The following RBMS3 variants were observed in gnomAD, a reference collection of about 807,000 sequenced individuals.
RBMS3 encodes RNA binding motif single stranded interacting protein 3.
RBMS3 carries 27 observed loss-of-function variants against 66.8 expected under a neutral mutation model. The ratio of observed to expected loss-of-function variants is 0.40; its 90% CI spans 0.30 to 0.56. RBMS3 has a LOEUF of 0.56. RBMS3 is among the 20% of genes least tolerant of loss of function. RBMS3 has a pLI of 0.40. For synonymous variants in RBMS3, 188 were observed against 183.0 expected (o/e 1.03, Z -0.22); for missense variants, 513 against 549.5 (o/e 0.93, Z 0.66).
chr3:29,869,157 A>C (rs554645299), intron 7 of RBMS3, among the ~76,000 whole-genome samples, 193 bp downstream of exon 7: 2 of 152,300 alleles, frequency 1.3e-5, no homozygotes, highest in South Asian at 4.1e-4. Flanking sequence ...TTTCAAATTT[A>C]ACCTCAGTTC....
Position 29,944,244 on chromosome 3 carries a change from T to A in RBMS3, c.1088T>A (p.Leu363Gln). 2 of 1,591,096 alleles carry A rather than the reference T, an allele frequency of 1.3e-6. No homozygotes were observed. The highest frequency in any genetic ancestry group is 1.7e-6 in the Non-Finnish European group (2 of 1,159,890). Reference protein sequence around the residue: ...SQDRIMILHQLLCQYMTAAAP... With the variant: ...SQDRIMILHQQLCQYMTAAAP... ...GACAGGATTATGATACTCCACCAGCTGTTGTGTCAGGTAGGAAAATTCTAA... is the reference window on the plus strand; with the variant it reads ...GACAGGATTATGATACTCCACCAGCAGTTGTGTCAGGTAGGAAAATTCTAA... Residue 363 changes from leucine (L) to glutamine (Q), a missense_variant, in exon 12 of 15, where the codon CTG (leucine) becomes CAG (glutamine). Leu to Gln is a moderately radical substitution (Grantham distance 113). Coordinates refer to ENST00000383767, the MANE Select transcript of RBMS3 (RefSeq NM_001003793.3).
chr3:29,594,157 A>G (rs1404468299), intron 4 of RBMS3, among the ~76,000 whole-genome samples: 1 of 152,196 alleles, frequency 6.6e-6, no homozygotes, highest in African/African-American at 2.4e-5. Context: ...ATTATTGTCT[A>G]TATCCTGCAT....
At chr3:29,745,070 A>C (rs2149357047) in intron 5 of RBMS3, among the ~76,000 whole-genome samples, 1 of 152,316 alleles carries the variant, frequency 6.6e-6, no homozygotes, top group African/African-American at 2.4e-5. Context: ...TTCTTTGATA[A>C]CCATCTCTTC....
At chr3:29,935,976 AAAAGT>A (rs1412113761) in intron 10 of RBMS3, 105 bp from the exon 11 acceptor site, 1 of 924,880 alleles carries the variant, frequency 1.1e-6, no homozygotes, top group Admixed American at 2.8e-5. Flanking sequence ...TTTTTAGTAA[AAAAGT>A]AAAAACATTT....
rs574924703 is a variant in RBMS3, at chr3:29,442,083, T to C, written c.248+7168T>C. ...TTGGAAGAATCTTACTTTCCTGCTTTATATAATTTCCAAAAGTCAAACATT... is the reference window on the plus strand; with the variant it reads ...TTGGAAGAATCTTACTTTCCTGCTTCATATAATTTCCAAAAGTCAAACATT... On this transcript the variant is annotated intron_variant, in intron 2 of 14. Coordinates refer to ENST00000383767, the MANE Select transcript of RBMS3 (RefSeq NM_001003793.3). Among the ~76,000 whole-genome samples, 17 of 152,352 alleles carry C rather than the reference T, an allele frequency of 1.1e-4. 1 individual carries two copies. In the South Asian group the frequency reaches 3.3e-3, roughly 30 times the overall value.
chr3:29,330,615 C>T (rs752369904), intron 1 of RBMS3, among the ~76,000 whole-genome samples: 3 of 152,086 alleles, frequency 2.0e-5, no homozygotes, highest in South Asian at 2.1e-4. Flanking sequence ...GGCAGCCCTC[C>T]CTATTGCTGA....
intron 1 of RBMS3, among the ~76,000 whole-genome samples, chr3:29,367,040 T>A (rs7426443): frequency 0.65 from 98,541 of 151,892 alleles, 32,306 homozygotes; most frequent in Non-Finnish European, 0.7. Flanking sequence ...ACTAAAAAGG[T>A]AAAAGACTAC....
chr3:29,727,819 A>C (rs866079021), intron 4 of RBMS3, among the ~76,000 whole-genome samples: 1 of 152,198 alleles, frequency 6.6e-6, no homozygotes, highest in Admixed American at 6.5e-5. Context: ...AGGATCTAGA[A>C]CCAGAAATAC....
rs115306908 is a variant in RBMS3 at position 29,353,485 on chromosome 3, G to T, written c.75+71729G>T. On this transcript the variant is annotated intron_variant, in intron 1 of 14. Coordinates refer to ENST00000383767, the MANE Select transcript of RBMS3 (RefSeq NM_001003793.3). Reference sequence around the variant, plus strand: ...CTACTTTCTTTGCTTGATTGAAGCTGGGCATTTTTGCTGTTCTTTTGCTTA... The same window carrying T: ...CTACTTTCTTTGCTTGATTGAAGCTTGGCATTTTTGCTGTTCTTTTGCTTA... 9.3e-3 allele frequency among the ~76,000 whole-genome samples: 1,409 copies of T among 151,874 alleles called. 7 individuals are homozygous for T. The highest frequency in any genetic ancestry group is 0.017 in the Middle Eastern group (5 of 294).
chr3:29,991,949 A>G (rs984521610), intron 14 of RBMS3, among the ~76,000 whole-genome samples: 1 of 152,202 alleles, frequency 6.6e-6, no homozygotes, highest in Non-Finnish European at 1.5e-5. Flanking sequence ...GAAAATCCTT[A>G]AATCACTCAT....
chr3:29,373,424 T>G (rs1353058165), intron 1 of RBMS3, among the ~76,000 whole-genome samples: 1 of 152,240 alleles, frequency 6.6e-6, no homozygotes, highest in Non-Finnish European at 1.5e-5. Flanking sequence ...ATAATTGTGA[T>G]TCAGCAAAAG....
intron 3 of RBMS3, among the ~76,000 whole-genome samples, chr3:29,582,450 G>T (rs754067005): frequency 2.6e-5 from 4 of 152,216 alleles, no homozygotes; most frequent in Non-Finnish European, 5.9e-5. Flanking sequence ...AAGGACAGGA[G>T]TGTGTGGAGA....
At chr3:29,330,695 C>T (rs528881787) in intron 1 of RBMS3, among the ~76,000 whole-genome samples, 3 of 152,172 alleles carry the variant, frequency 2.0e-5, no homozygotes, top group African/African-American at 7.2e-5. Context: ...GCTTAAGTTT[C>T]CCCTGCTAAC....
intron 13 of RBMS3, among the ~76,000 whole-genome samples, chr3:29,990,456 GAAACAAAAAAAA>G (rs1698772187): frequency 6.5e-5 from 2 of 30,656 alleles, no homozygotes; most frequent in African/African-American, 2.7e-4. Flanking sequence ...GCATCTGTGA[GAAACAAAAAAAA>G]AAAAAAAAAA....
intron 3 of RBMS3, among the ~76,000 whole-genome samples, chr3:29,536,379 G>A (rs532507000): frequency 4.0e-4 from 61 of 151,442 alleles, no homozygotes; most frequent in Non-Finnish European, 7.5e-4. Flanking sequence ...TTTCAGACTG[G>A]CCAAAAAAAA....
At chr3:29,296,965 C>A (rs1176560584) in intron 1 of RBMS3, among the ~76,000 whole-genome samples, 2 of 150,760 alleles carry the variant, frequency 1.3e-5, no homozygotes, top group Non-Finnish European at 3.0e-5. Context: ...ACTTAAAAAT[C>A]ATTAATATAT....
intron 1 of RBMS3, among the ~76,000 whole-genome samples, chr3:29,353,710 A>G (rs1393580135): frequency 6.6e-6 from 1 of 152,102 alleles, no homozygotes; most frequent in Non-Finnish European, 1.5e-5. Flanking sequence ...ACAACCAATA[A>G]TATTTTAAAA....
At chr3:29,358,173 T>A (rs2037342623) in intron 1 of RBMS3, among the ~76,000 whole-genome samples, 2 of 152,210 alleles carry the variant, frequency 1.3e-5, no homozygotes, top group African/African-American at 4.8e-5. Flanking sequence ...GATTTTATGG[T>A]TTTAGGTCTA....
intron 4 of RBMS3, among the ~76,000 whole-genome samples, chr3:29,738,921 A>G (rs1057273492): frequency 1.5e-4 from 23 of 152,222 alleles, no homozygotes; most frequent in Non-Finnish European, 2.8e-4. Context: ...TGAGCTGTGT[A>G]ACTTGGATAA....
Sources: gnomAD v4.1 joint callset for allele counts (sites outside exome capture counted in the v4.1 genomes callset) on GRCh38, gnomAD v4.1.1 for gene constraint, MANE v1.5 for transcripts, NCBI Gene and HGNC (gene_info 2026-07-23, HGNC 2026-07-21) for gene names.